Variants in PIP5K1B observed in about 807,000 individuals in gnomAD.
PIP5K1B encodes the protein phosphatidylinositol 4-phosphate 5-kinase type-1 beta.
In PIP5K1B, 42 loss-of-function variants were observed where a neutral mutation model predicts 67.0. That is an observed-to-expected ratio of 0.63 (90% CI 0.49 to 0.81). The LOEUF (loss-of-function observed/expected upper bound fraction) is 0.81. Among genes scored for constraint, PIP5K1B ranks in the 30% least tolerant of loss-of-function variants. PIP5K1B has a pLI of 0.00. For synonymous variants in PIP5K1B, 214 were observed against 231.4 expected (o/e 0.92, Z 0.68); for missense variants, 459 against 646.3 (o/e 0.71, Z 3.14).
intron 2 of PIP5K1B, among the ~76,000 whole-genome samples, chr9:68,784,915 T>C (rs1800507115): frequency 6.6e-6 from 1 of 152,132 alleles, no homozygotes; most frequent in Non-Finnish European, 1.5e-5. Flanking sequence ...AAAAGTAGAA[T>C]TTGTTTCTGA....
Position 68,830,716 on chromosome 9 carries a change from T to A in PIP5K1B, c.69+8033T>A, listed in dbSNP as rs145842612. 1.2e-3 allele frequency among the ~76,000 whole-genome samples: 187 copies of A among 152,226 alleles called. No individual in the cohort carries two copies. The Middle Eastern group carries it at 0.017, about 14-fold the overall frequency. On this transcript the variant is annotated intron_variant, in intron 4 of 15. Transcript: ENST00000265382. ...AAAAAAACCCCACAGTGTTGTTGAG[T>A]TTGGTGTGAATGGCAGGCGAGGAGG...
intron 7 of PIP5K1B, among the ~76,000 whole-genome samples, chr9:68,889,713 C>CGACA (rs1007066231): frequency 3.8e-5 from 5 of 131,926 alleles, no homozygotes; most frequent in African/African-American, 8.8e-5. Flanking sequence ...CCAGCCTGGG[C>CGACA]GACAGAGCGA....
chr9:68,875,877 A>G (rs2132314995), intron 5 of PIP5K1B, among the ~76,000 whole-genome samples: 1 of 152,310 alleles, frequency 6.6e-6, no homozygotes, highest in East Asian at 1.9e-4. Context: ...TATGGAGTCA[A>G]AGAATAAAAA....
intron 2 of PIP5K1B, among the ~76,000 whole-genome samples, chr9:68,765,596 A>T (rs1369001198): frequency 6.6e-6 from 1 of 152,180 alleles, no homozygotes; most frequent in Non-Finnish European, 1.5e-5. Context: ...TTTAAGAAAC[A>T]AATATAATTT....
chr9:68,903,403 G>A (rs1261278475), intron 8 of PIP5K1B, among the ~76,000 whole-genome samples: 1 of 152,204 alleles, frequency 6.6e-6, no homozygotes, highest in Non-Finnish European at 1.5e-5. Context: ...ATTGTTTGGA[G>A]TACATTTGTA....
intron 4 of PIP5K1B, among the ~76,000 whole-genome samples, chr9:68,826,808 G>C (rs1587512426): frequency 6.6e-6 from 1 of 152,156 alleles, no homozygotes; most frequent in Admixed American, 6.5e-5. Context: ...CTGGAGTGCA[G>C]TGGCACAATC....
intron 4 of PIP5K1B, among the ~76,000 whole-genome samples, chr9:68,835,218 G>A (rs906296093): frequency 3.3e-5 from 5 of 152,242 alleles, no homozygotes; most frequent in South Asian, 2.1e-4. Context: ...TCATAGAGGA[G>A]TGTAGACTTT....
intron 2 of PIP5K1B, among the ~76,000 whole-genome samples, chr9:68,761,504 T>C (rs1377785427): frequency 3.3e-5 from 5 of 152,142 alleles, no homozygotes; most frequent in Non-Finnish European, 5.9e-5. Context: ...AAATGTATTA[T>C]CTCATAGTTC....
At chr9:69,000,506 C>T (rs1830775637) in intron 15 of PIP5K1B, among the ~76,000 whole-genome samples, 1 of 152,124 alleles carries the variant, frequency 6.6e-6, no homozygotes. Flanking sequence ...AGTTCAAGAT[C>T]AAGGTGTTGG....
At chr9:68,877,520 T>G (rs1823957278) in intron 6 of PIP5K1B, among the ~76,000 whole-genome samples, 1 of 152,240 alleles carries the variant, frequency 6.6e-6, no homozygotes, top group Non-Finnish European at 1.5e-5. Flanking sequence ...TTCAAAAGAC[T>G]GTAGGAAGAA....
At chr9:68,717,341 A>G (rs1564085088) in intron 1 of PIP5K1B, among the ~76,000 whole-genome samples, 1 of 152,252 alleles carries the variant, frequency 6.6e-6, no homozygotes, top group Non-Finnish European at 1.5e-5. Context: ...GGCATAACCC[A>G]AGCTTGCATT....
chr9:68,721,924 A>C (rs922049244), intron 1 of PIP5K1B, among the ~76,000 whole-genome samples: 1 of 152,062 alleles, frequency 6.6e-6, no homozygotes, highest in Non-Finnish European at 1.5e-5. Flanking sequence ...TTCTCTGTTT[A>C]AGGAAATGGC....
At chr9:68,923,030 T>G (rs1474877580) in intron 11 of PIP5K1B, among the ~76,000 whole-genome samples, 2 of 152,164 alleles carry the variant, frequency 1.3e-5, no homozygotes, top group Non-Finnish European at 2.9e-5. Context: ...GGCAGCTGTT[T>G]TGATTTATGT....
intron 5 of PIP5K1B, among the ~76,000 whole-genome samples, chr9:68,873,798 T>C (rs1033112062): frequency 1.3e-5 from 2 of 152,120 alleles, no homozygotes; most frequent in Non-Finnish European, 2.9e-5. Context: ...CTCGTGAAAC[T>C]CAGCTTTTAA....
At chr9:68,861,374 T>C (rs1426620197) in intron 4 of PIP5K1B, among the ~76,000 whole-genome samples, 1 of 152,240 alleles carries the variant, frequency 6.6e-6, no homozygotes, top group Non-Finnish European at 1.5e-5. Context: ...TCATCTGTTT[T>C]AGCAAGTATA....
chr9:68,923,461 G>A (rs2132544205), intron 12 of PIP5K1B, 75 bp downstream of exon 12: 1 of 730,866 alleles, frequency 1.4e-6, no homozygotes, highest in East Asian at 2.6e-5. Context: ...ATTTTTATTG[G>A]AAGAACTAAC....
intron 2 of PIP5K1B, among the ~76,000 whole-genome samples, chr9:68,764,322 T>G (rs938552907): frequency 6.6e-6 from 1 of 152,024 alleles, no homozygotes; most frequent in Non-Finnish European, 1.5e-5. Flanking sequence ...TGTGGGAGAA[T>G]TCACAGTACT....
intron 4 of PIP5K1B, among the ~76,000 whole-genome samples, chr9:68,858,063 T>C (rs980287722): frequency 6.6e-6 from 1 of 152,060 alleles, no homozygotes; most frequent in Admixed American, 6.6e-5. Context: ...AACCTTTGCC[T>C]CCTGGGTTCA....
At chr9:68,926,671 A>G (rs1042578655) in intron 12 of PIP5K1B, among the ~76,000 whole-genome samples, 2 of 152,128 alleles carry the variant, frequency 1.3e-5, no homozygotes, top group African/African-American at 4.8e-5. Flanking sequence ...TCCTGGGTTC[A>G]AGTGATTCTC....
Sources: gnomAD v4.1 joint callset for allele counts (sites outside exome capture counted in the v4.1 genomes callset) on GRCh38, gnomAD v4.1.1 for gene constraint, MANE v1.5 for transcripts, NCBI Gene and HGNC (gene_info 2026-07-23, HGNC 2026-07-21) for gene names.